Variants in MPPED1 observed in about 807,000 individuals in gnomAD.
The protein encoded by MPPED1 is metallophosphoesterase domain-containing protein 1.
In MPPED1, 16 loss-of-function variants were observed where a neutral mutation model predicts 36.2. The observed-to-expected ratio is 0.44, with a 90% confidence interval of 0.30 to 0.67. MPPED1 has a LOEUF of 0.67. Among genes scored for constraint, MPPED1 ranks in the 30% least tolerant of loss-of-function variants. The probability of loss-of-function intolerance (pLI) is 0.10; values close to 1 mark genes in which losing one functional copy is unlikely to be tolerated. For synonymous variants in MPPED1, 199 were observed against 191.3 expected, an observed-to-expected ratio of 1.04 and a Z score of -0.33; for missense variants, 307 against 453.4, an observed-to-expected ratio of 0.68 and a Z score of 2.93.
intron 4 of MPPED1, among the ~76,000 whole-genome samples, chr22:43,488,661 TCTAATTTTCAA>T (rs139808241): frequency 0.012 from 1,780 of 152,370 alleles, 53 homozygotes; most frequent in African/African-American, 0.041. Context: ...TTGTTCACAT[TCTAATTTTCAA>T]CTAAATGAGA....
chr22:43,480,696 C>T (rs909871072), intron 4 of MPPED1, among the ~76,000 whole-genome samples: 12 of 152,080 alleles, frequency 7.9e-5, no homozygotes, highest in Admixed American at 3.3e-4. Context: ...TTTGGGTGAA[C>T]GGAAGTTTTA....
intron 3 of MPPED1, among the ~76,000 whole-genome samples, chr22:43,451,023 G>GA (rs1930545932): frequency 2.5e-5 from 3 of 121,672 alleles, no homozygotes; most frequent in Non-Finnish European, 3.5e-5. Flanking sequence ...ACTGCATCTG[G>GA]CTTTTTTTTT....
intron 2 of MPPED1, among the ~76,000 whole-genome samples, chr22:43,430,758 A>G (rs1307908399): frequency 1.3e-5 from 2 of 152,062 alleles, no homozygotes; most frequent in Admixed American, 6.6e-5. Flanking sequence ...GGGAGTCACA[A>G]AGTGTTGAGA....
At chr22:43,452,022 CT>C (rs543788616) in intron 3 of MPPED1, among the ~76,000 whole-genome samples, 261 of 144,366 alleles carry the variant, frequency 1.8e-3, no homozygotes, top group Middle Eastern at 3.6e-3. Flanking sequence ...TTTTTTCTTT[CT>C]TTTTTTTTTT....
In MPPED1 at chr22:43,465,532, G is replaced by A. The variant is rs188232470; in HGVS notation, c.407-9204G>A. Among the ~76,000 whole-genome samples the A allele has an allele frequency of 2.0e-5, 3 of 152,336 alleles. No individual in the cohort carries two copies. The East Asian group carries it at 5.8e-4, about 29-fold the overall frequency. Reference sequence around the variant, plus strand: ...GGCGGTAGAGCGCTGAACAAGGCAGGGGCCTCGAAGGGGCTCCCAGGGTGC... The same window carrying A: ...GGCGGTAGAGCGCTGAACAAGGCAGAGGCCTCGAAGGGGCTCCCAGGGTGC... On this transcript the variant is annotated intron_variant, in intron 3 of 6. Transcript: ENST00000443721.
chr22:43,427,504 A>G (rs1929519414), intron 2 of MPPED1, among the ~76,000 whole-genome samples: 1 of 152,018 alleles, frequency 6.6e-6, no homozygotes, highest in South Asian at 2.1e-4. Context: ...GGCGTGCAGG[A>G]GACACCACAG....
intron 3 of MPPED1, among the ~76,000 whole-genome samples, chr22:43,440,325 G>A (rs1326624003): frequency 6.6e-6 from 1 of 152,230 alleles, no homozygotes; most frequent in Non-Finnish European, 1.5e-5. Context: ...TTGAGTTGGG[G>A]TCTCAAGGAC....
intron 3 of MPPED1, among the ~76,000 whole-genome samples, chr22:43,460,397 C>T (rs1031407874): frequency 9.9e-5 from 15 of 151,176 alleles, no homozygotes; most frequent in African/African-American, 2.7e-4. Context: ...GTGGCACAAT[C>T]GTGGCTCACT....
intron 4 of MPPED1, among the ~76,000 whole-genome samples, chr22:43,496,965 A>T (rs913856621): frequency 3.3e-5 from 2 of 60,068 alleles, no homozygotes; most frequent in African/African-American, 7.8e-5. Context: ...GTGGTGGTGG[A>T]GGTAGTGGTG....
chr22:43,491,532 ATGGTAGTGATGGAGGTGGTGGCGG>A (rs1375677945), intron 4 of MPPED1, among the ~76,000 whole-genome samples: 64 of 131,540 alleles, frequency 4.9e-4, no homozygotes, highest in African/African-American at 1.8e-3. Flanking sequence ...GGTGGTAGTG[ATGGTAGTGATGGAGGTGGTGGCGG>A]TGGTAGTGAT....
rs1441173027 is a variant in MPPED1 at position 43,502,233 on chromosome 22, A to T, written c.749-411A>T. On this transcript the variant is annotated intron_variant, in intron 5 of 6. Coordinates refer to ENST00000443721, the MANE Select transcript of MPPED1 (RefSeq NM_001044370.2). The surrounding 1 kb of genome is among the most constrained non-coding windows in gnomAD (Gnocchi z 5.5). ...AGGACGCCCTGCTCTGCAACTAACC[A>T]CCAGGGTGCCTGCCCTTGGGACTCA... 6.6e-6 allele frequency among the ~76,000 whole-genome samples: 1 copy of T among 151,558 alleles called. No individual in the cohort carries two copies. Among genetic ancestry groups the T allele is most frequent in the African/African-American group, 2.4e-5 (1 of 41,248 alleles).
At chr22:43,497,057 ATGG>A (rs1569090198) in intron 4 of MPPED1, among the ~76,000 whole-genome samples, 1 of 29,114 alleles carries the variant, frequency 3.4e-5, no homozygotes, top group Non-Finnish European at 7.1e-5. Context: ...GGTGGTGGAG[ATGG>A]TGGTGGTGGA....
intron 3 of MPPED1, among the ~76,000 whole-genome samples, chr22:43,444,281 T>TGG (rs1930254755): frequency 3.7e-4 from 3 of 8,144 alleles, no homozygotes; most frequent in Non-Finnish European, 3.5e-3. Context: ...CCCACTGGGG[T>TGG]GTGTGTGTGT....
intron 1 of MPPED1, among the ~76,000 whole-genome samples, chr22:43,423,322 G>C (rs539316970): frequency 1.3e-5 from 2 of 152,318 alleles, no homozygotes; most frequent in African/African-American, 4.8e-5. Context: ...AGGCCTTCTG[G>C]GTGCCGGGCA....
chr22:43,496,004 ATGGTGGTGGTGGAGG>A (rs1423321015), intron 4 of MPPED1, among the ~76,000 whole-genome samples: 1,510 of 17,204 alleles, frequency 0.088, 38 homozygotes, highest in Admixed American at 0.13. Context: ...GGTGGTGGAG[ATGGTGGTGGTGGAGG>A]TGGTGATGGT....
At chr22:43,428,382 G>A (rs1929556612) in intron 2 of MPPED1, among the ~76,000 whole-genome samples, 1 of 152,214 alleles carries the variant, frequency 6.6e-6, no homozygotes, top group Non-Finnish European at 1.5e-5. Context: ...TTTGCACACA[G>A]CTGGGTAAAG....
At chr22:43,477,867 G>A (rs769224332) in intron 4 of MPPED1, among the ~76,000 whole-genome samples, 6 of 152,190 alleles carry the variant, frequency 3.9e-5, no homozygotes, top group Non-Finnish European at 8.8e-5. Context: ...TCTGTGTAGT[G>A]GGGAAACGAC....
chr22:43,500,865 T>A (rs896609261), intron 5 of MPPED1, among the ~76,000 whole-genome samples: 1 of 151,986 alleles, frequency 6.6e-6, no homozygotes, highest in African/African-American at 2.4e-5. Context: ...CATGGGGGAC[T>A]TGCACAAGCT....
At chr22:43,423,190 G>C (rs1929337441) in intron 1 of MPPED1, among the ~76,000 whole-genome samples, 1 of 152,208 alleles carries the variant, frequency 6.6e-6, no homozygotes, top group South Asian at 2.1e-4. Flanking sequence ...TTAGGAAGTT[G>C]GCTTAAGGTC....
Sources: gnomAD v4.1 joint callset for allele counts (sites outside exome capture counted in the v4.1 genomes callset) on GRCh38, gnomAD v4.1.1 for gene constraint, Gnocchi (gnomAD v3.1) non-coding constraint, MANE v1.5 for transcripts, NCBI Gene and HGNC (gene_info 2026-07-23, HGNC 2026-07-21) for gene names.